DTNA: variants seen among roughly 807,000 people sequenced by gnomAD.
The protein encoded by DTNA is dystrophin-related protein 3.
In DTNA, 43 loss-of-function variants were observed where a neutral mutation model predicts 100.7. That is an observed-to-expected ratio of 0.43 (90% CI 0.33 to 0.55). The LOEUF is 0.55. Ranked by LOEUF, DTNA falls within the 20% of genes least tolerant of loss-of-function variation. DTNA has a pLI of 0.04. For missense variants in DTNA, 798 were observed against 953.9 expected (o/e 0.84, Z 2.15); for synonymous variants, 349 against 347.9 (o/e 1.00, Z -0.04).
intron 3 of DTNA, among the ~76,000 whole-genome samples, chr18:34,776,377 A>G (rs1034476315): frequency 1.3e-5 from 2 of 152,172 alleles, no homozygotes; most frequent in Non-Finnish European, 2.9e-5. Context: ...TCTGTCGCCC[A>G]GGCTGGAGTG....
chr18:34,516,566 A>G (rs893578826), intron 1 of DTNA, among the ~76,000 whole-genome samples: 1 of 152,108 alleles, frequency 6.6e-6, no homozygotes, highest in African/African-American at 2.4e-5. Flanking sequence ...CAACCATATA[A>G]GACAGACACT....
chr18:34,563,947 C>T (rs780107700), intron 1 of DTNA, among the ~76,000 whole-genome samples: 4 of 151,472 alleles, frequency 2.6e-5, no homozygotes, highest in Non-Finnish European at 5.9e-5. Flanking sequence ...ATATCCATCA[C>T]CTCACACAGT....
chr18:34,688,515 T>A (rs2079241210), intron 1 of DTNA, among the ~76,000 whole-genome samples: 1 of 152,208 alleles, frequency 6.6e-6, no homozygotes. Flanking sequence ...AGATCCACTG[T>A]TAGTCTGATG....
At chr18:34,595,365 G>T (rs1275078812) in intron 1 of DTNA, among the ~76,000 whole-genome samples, 1 of 150,964 alleles carries the variant, frequency 6.6e-6, no homozygotes, top group Non-Finnish European at 1.5e-5. Flanking sequence ...TGGGATTTGG[G>T]TTTTTTTTCA....
intron 1 of DTNA, among the ~76,000 whole-genome samples, chr18:34,711,965 T>C (rs2082986159): frequency 6.6e-6 from 1 of 152,174 alleles, no homozygotes. Context: ...TATGACCATG[T>C]CTTTCAAAAC....
chr18:34,703,366 CA>C (rs1331734336), intron 1 of DTNA, among the ~76,000 whole-genome samples: 1 of 152,120 alleles, frequency 6.6e-6, no homozygotes, highest in Non-Finnish European at 1.5e-5. Context: ...TCTCGCCTGG[CA>C]AAAACGTACT....
At chr18:34,882,304 C>A in intron 21 of DTNA, 103 bp downstream of exon 21, 1 of 1,473,678 alleles carries the variant, frequency 6.8e-7, no homozygotes, top group South Asian at 1.3e-5. Context: ...TTCCTTCCAC[C>A]CTCCCTTTTC....
At chr18:34,856,931 A>G (rs2096559267) in intron 15 of DTNA, among the ~76,000 whole-genome samples, 1 of 152,196 alleles carries the variant, frequency 6.6e-6, no homozygotes, top group Non-Finnish European at 1.5e-5. Context: ...GAGTCATAGA[A>G]TATCAGGGTG....
At chr18:34,777,985 G>T (rs190191703) in intron 3 of DTNA, among the ~76,000 whole-genome samples, 2 of 152,292 alleles carry the variant, frequency 1.3e-5, no homozygotes, top group East Asian at 3.9e-4. Context: ...TGTTAGTGAG[G>T]GAACTGCAGT....
chr18:34,809,924 A>C lies in DTNA; in HGVS notation c.449-2035A>C, dbSNP rs976061953. Among the ~76,000 whole-genome samples, 17 of 152,172 alleles carry C rather than the reference A, an allele frequency of 1.1e-4. 1 individual carries two copies. The highest frequency in any genetic ancestry group is 3.9e-4 in the Admixed American group (6 of 15,278). ...GGGAGCATCATTGACACAGCTTAGG[A>C]GATGAAGGGCGCCCCCTGCAGTCAT... On this transcript the variant is annotated intron_variant, in intron 5 of 22. Transcript: ENST00000444659.
chr18:34,846,926 T>C (rs1481782499), intron 13 of DTNA, among the ~76,000 whole-genome samples: 1 of 152,180 alleles, frequency 6.6e-6, no homozygotes, highest in African/African-American at 2.4e-5. Flanking sequence ...CTTTACAATA[T>C]GTATTTATGA....
intron 13 of DTNA, among the ~76,000 whole-genome samples, chr18:34,840,223 G>T (rs528549145): frequency 1.2e-3 from 180 of 152,208 alleles, no homozygotes; most frequent in African/African-American, 4.1e-3. Flanking sequence ...TTTGGCTGAC[G>T]TAAATCCATC....
Position 34,594,971 on chromosome 18 carries a change from G to A in DTNA, c.-2+101457G>A, listed in dbSNP as rs1162356582. Among the ~76,000 whole-genome samples, 4 of 152,334 alleles carry A rather than the reference G, an allele frequency of 2.6e-5. No individual in the cohort carries two copies. The East Asian group carries it at 7.7e-4, about 29-fold the overall frequency. On this transcript the variant is annotated intron_variant, in intron 1 of 19. Transcript: ENST00000283365. Reference sequence around the variant, plus strand: ...CCCCCAGTAATATTTGCTTTTCAGTGTAAATATCTGACCTTGTGACAGTTT... The same window carrying A: ...CCCCCAGTAATATTTGCTTTTCAGTATAAATATCTGACCTTGTGACAGTTT...
At chr18:34,791,809 T>C (rs1238273993) in intron 3 of DTNA, among the ~76,000 whole-genome samples, 1 of 152,216 alleles carries the variant, frequency 6.6e-6, no homozygotes, top group Non-Finnish European at 1.5e-5. Context: ...TAATGCATTG[T>C]CTGCTAGGTA....
intron 3 of DTNA, among the ~76,000 whole-genome samples, chr18:34,782,973 A>G (rs189418746): frequency 6.6e-6 from 1 of 152,364 alleles, no homozygotes; most frequent in Admixed American, 6.5e-5. Flanking sequence ...ATAAGACCAC[A>G]TTAAAGATGT....
intron 1 of DTNA, among the ~76,000 whole-genome samples, chr18:34,614,863 C>T (rs897956909): frequency 6.6e-6 from 1 of 152,158 alleles, no homozygotes; most frequent in African/African-American, 2.4e-5. Context: ...AAGGCAGTGA[C>T]AGGGTTTGAG....
rs528083585 is a variant in DTNA, at chr18:34,722,394, G to T, written c.-2+11949G>T. 4.6e-5 allele frequency among the ~76,000 whole-genome samples: 7 copies of T among 152,130 alleles called. No homozygotes were observed. The South Asian group carries it at 1.5e-3, about 32-fold the overall frequency. ...CAACAGGAAAGATTATTATTATTATGCAGTAAAATACTACTGGGAAGGAAA... is the reference window on the plus strand; with the variant it reads ...CAACAGGAAAGATTATTATTATTATTCAGTAAAATACTACTGGGAAGGAAA... On this transcript the variant is annotated intron_variant, in intron 1 of 22. Transcript: ENST00000444659.
chr18:34,768,892 G>A (rs2093624496), intron 3 of DTNA, among the ~76,000 whole-genome samples: 1 of 152,140 alleles, frequency 6.6e-6, no homozygotes, highest in Non-Finnish European at 1.5e-5. Flanking sequence ...GAAAGATAAT[G>A]ATAGAAATAT....
At chr18:34,830,328 C>G (rs537029261) in intron 11 of DTNA, among the ~76,000 whole-genome samples, 3 of 151,882 alleles carry the variant, frequency 2.0e-5, no homozygotes, top group Non-Finnish European at 2.9e-5. Flanking sequence ...TCTTTTGTAT[C>G]ATGACAGATC....
Sources: allele counts gnomAD v4.1 joint callset (sites outside exome capture counted in the v4.1 genomes callset), GRCh38; gene constraint gnomAD v4.1.1; transcripts MANE v1.5; gene names NCBI Gene and HGNC (gene_info 2026-07-23, HGNC 2026-07-21).